The following DRD2 variants were observed in gnomAD, a reference collection of about 807,000 sequenced individuals.
The protein encoded by DRD2 is dopamine receptor D2.
DRD2 carries 8 observed loss-of-function variants against 38.0 expected under a neutral mutation model. The ratio of observed to expected loss-of-function variants is 0.21; its 90% CI spans 0.12 to 0.38. The LOEUF (loss-of-function observed/expected upper bound fraction) is 0.38. Among genes scored for constraint, DRD2 ranks in the 10% least tolerant of loss-of-function variants. DRD2 has a pLI of 1.00. For synonymous variants in DRD2, 230 were observed against 238.6 expected, an observed-to-expected ratio of 0.96 and a Z score of 0.33; for missense variants, 403 against 607.7, an observed-to-expected ratio of 0.66 and a Z score of 3.54.
At chr11:113,415,269 CA>C in intron 5 of DRD2, 151 bp downstream of exon 5, 1 of 982,064 alleles carries the variant, frequency 1.0e-6, no homozygotes. Flanking sequence ...TCCATGCCTT[CA>C]AAATCTGCCC....
intron 1 of DRD2, among the ~76,000 whole-genome samples, chr11:113,450,970 T>C (rs1951205057): frequency 6.6e-6 from 1 of 152,150 alleles, no homozygotes; most frequent in Admixed American, 6.5e-5. Context: ...ACCCAAAACA[T>C]CACTGTAGCC....
chr11:113,425,885 G>A (rs576984059), intron 1 of DRD2, among the ~76,000 whole-genome samples: 1 of 152,018 alleles, frequency 6.6e-6, no homozygotes, highest in Non-Finnish European at 1.5e-5. Flanking sequence ...AAAATGTAGG[G>A]TATGGCAGTA....
At chr11:113,451,694 C>T (rs761180113) in intron 1 of DRD2, among the ~76,000 whole-genome samples, 2 of 151,826 alleles carry the variant, frequency 1.3e-5, no homozygotes, top group African/African-American at 4.8e-5. Flanking sequence ...TTTACCATGT[C>T]GGCCAGGCTG....
rs201691560 is a variant in DRD2, at chr11:113,465,419, T to A, written c.-32+9657A>T. 2.2e-4 allele frequency among the ~76,000 whole-genome samples: 17 copies of A among 78,292 alleles called. No homozygotes were observed. In the South Asian group the frequency reaches 4.2e-3, roughly 19 times the overall value. 51.4% of individuals were successfully genotyped at this position (78,292 alleles called of 152,430 possible). A position where few individuals can be genotyped will look rare whatever the true frequency, so the allele number is the denominator to read the frequency against. ...CAGTTTTTGTTGTTGTTGTTGTTTG[T>A]TTGTTTGTTTGTTTGTTTGTTTGTT... On this transcript the variant is annotated intron_variant, in intron 1 of 7. Coordinates refer to ENST00000362072, the MANE Select transcript of DRD2 (RefSeq NM_000795.4).
At chr11:113,428,024 G>T (rs1194347563) in intron 1 of DRD2, among the ~76,000 whole-genome samples, 1 of 152,082 alleles carries the variant, frequency 6.6e-6, no homozygotes, top group Non-Finnish European at 1.5e-5. Context: ...CATGGAGAGA[G>T]GCCTTAAGCA....
chr11:113,472,040 T>G (rs1440020553), intron 1 of DRD2, among the ~76,000 whole-genome samples: 3 of 152,236 alleles, frequency 2.0e-5, no homozygotes, highest in Non-Finnish European at 1.5e-5. Flanking sequence ...GCACCTTCAC[T>G]GTTGGAGATT....
intron 1 of DRD2, among the ~76,000 whole-genome samples, chr11:113,457,253 G>A (rs1355851635): frequency 6.6e-6 from 1 of 152,120 alleles, no homozygotes; most frequent in Non-Finnish European, 1.5e-5. Context: ...AGTGGGTCTG[G>A]GTAGTTAAAG....
At chr11:113,415,978 C>A (rs569342571) in intron 4 of DRD2, among the ~76,000 whole-genome samples, 1 of 152,188 alleles carries the variant, frequency 6.6e-6, no homozygotes, top group East Asian at 1.9e-4. Flanking sequence ...TCTTTTTAGT[C>A]TGACCTGTGT....
At chr11:113,448,989 G>A (rs1951183574) in intron 1 of DRD2, among the ~76,000 whole-genome samples, 2 of 152,098 alleles carry the variant, frequency 1.3e-5, no homozygotes, top group Non-Finnish European at 2.9e-5. Flanking sequence ...TCATGTCACC[G>A]CCTCGCTCAA....
chr11:113,438,726 A>G (rs1263605383), intron 1 of DRD2, among the ~76,000 whole-genome samples: 1 of 152,170 alleles, frequency 6.6e-6, no homozygotes, highest in Non-Finnish European at 1.5e-5. Flanking sequence ...AAGAAGTCCT[A>G]CCTGGCCTGT....
At chr11:113,470,472 G>A (rs556466940) in intron 1 of DRD2, among the ~76,000 whole-genome samples, 22 of 152,206 alleles carry the variant, frequency 1.4e-4, no homozygotes, top group Admixed American at 5.2e-4. Context: ...TTCCCTTACC[G>A]CCCTCTGTCT....
In DRD2 at chr11:113,410,847, C is replaced by A; in HGVS notation, c.1212G>T (p.Pro404=). The A allele has an allele frequency of 6.2e-7, 1 of 1,614,080 alleles. No homozygotes were observed. The highest frequency in any genetic ancestry group is 1.3e-5 in the African/African-American group (1 of 74,998). Residue 404 remains proline (P), a synonymous_variant, in exon 8 of 8, where the codon CCG becomes CCT. Coordinates refer to ENST00000362072, the MANE Select transcript of DRD2 (RefSeq NM_000795.4). ...ACGTGAAGGCGCTGTACAGGACAGG[C>A]GGGATGTTGCAGTCACAGTGTATGT... The part of the protein sequence containing the change: ...ILNIHCDCNI[P]PVLYSAFTWL...
chr11:113,456,865 T>A (rs1451322571), intron 1 of DRD2, among the ~76,000 whole-genome samples: 1 of 152,166 alleles, frequency 6.6e-6, no homozygotes, highest in African/African-American at 2.4e-5. Flanking sequence ...ACTGTACACG[T>A]CAAAATTATT....
At chr11:113,452,504 A>C (rs1951226271) in intron 1 of DRD2, among the ~76,000 whole-genome samples, 1 of 149,154 alleles carries the variant, frequency 6.7e-6, no homozygotes. Context: ...GGGGACAGGA[A>C]ATGAGACACT....
In DRD2 at chr11:113,412,672, A is replaced by G; in HGVS notation, c.1022T>C (p.Phe341Ser). The change falls in exon 7 of 8, where the codon TTT (phenylalanine) becomes TCT (serine). Residue 341 changes from phenylalanine to serine, a missense_variant. Coordinates refer to ENST00000362072, the MANE Select transcript of DRD2 (RefSeq NM_000795.4). ...GCCATTGGGCATGGTCTGGATCTCA[A>G]AGATCTTGGCAATCTTGGGGTGGTC... ...AKDHPKIAKI[F>S]EIQTMPNGKT... 1 of 1,614,182 alleles carries G rather than the reference A, an allele frequency of 6.2e-7. No individual in the cohort carries two copies. Among genetic ancestry groups the G allele is most frequent in the East Asian group, 2.2e-5 (1 of 44,868 alleles).
intron 1 of DRD2, among the ~76,000 whole-genome samples, chr11:113,440,809 G>T (rs1468273218): frequency 6.6e-6 from 1 of 152,204 alleles, no homozygotes; most frequent in Non-Finnish European, 1.5e-5. Context: ...CCACCATGCT[G>T]GTTTCTGATC....
intron 1 of DRD2, among the ~76,000 whole-genome samples, chr11:113,473,871 T>C (rs1268760485): frequency 2.0e-5 from 3 of 152,252 alleles, no homozygotes; most frequent in Admixed American, 6.5e-5. Context: ...GAGATAAGCA[T>C]GCATATTTGC....
intron 6 of DRD2, among the ~76,000 whole-genome samples, chr11:113,413,686 A>G (rs1334963077): frequency 2.0e-5 from 3 of 152,158 alleles, no homozygotes; most frequent in Non-Finnish European, 1.5e-5. Flanking sequence ...TGGATTTTGT[A>G]TGCGGCCCTC....
chr11:113,473,336 A>G (rs1470006813), intron 1 of DRD2, among the ~76,000 whole-genome samples: 2 of 152,240 alleles, frequency 1.3e-5, no homozygotes, highest in East Asian at 1.9e-4. Context: ...TTGTTAAAAT[A>G]TAAATTTCCT....
Sources: gnomAD v4.1 joint callset for allele counts (sites outside exome capture counted in the v4.1 genomes callset) on GRCh38, gnomAD v4.1.1 for gene constraint, MANE v1.5 for transcripts, NCBI Gene and HGNC (gene_info 2026-07-23, HGNC 2026-07-21) for gene names.